The following TMPRSS13 variants were observed in gnomAD, a reference collection of about 807,000 sequenced individuals.
TMPRSS13 encodes transmembrane protease serine 13.
TMPRSS13 carries 50 observed loss-of-function variants against 68.4 expected under a neutral mutation model. The observed-to-expected ratio is 0.73, with a 90% CI of 0.58 to 0.93. The LOEUF (loss-of-function observed/expected upper bound fraction) is 0.93. Ranked by LOEUF, TMPRSS13 falls within the 40% of genes least tolerant of loss-of-function variation. The pLI, the probability that TMPRSS13 is intolerant of heterozygous loss-of-function variation, is 0.00. For synonymous variants in TMPRSS13, 267 were observed against 285.8 expected, an observed-to-expected ratio of 0.93 and a Z score of 0.66; for missense variants, 615 against 729.2, an observed-to-expected ratio of 0.84 and a Z score of 1.80.
intron 1 of TMPRSS13, among the ~76,000 whole-genome samples, chr11:117,928,628 G>T (rs1187484196): frequency 6.6e-6 from 1 of 152,186 alleles, no homozygotes; most frequent in East Asian, 1.9e-4. Flanking sequence ...ATGTGTGTAT[G>T]ACTGGCTTTC....
At chr11:117,908,138 C>T (rs1046208166) in intron 9 of TMPRSS13, 2 of 904,938 alleles carry the variant, frequency 2.2e-6, no homozygotes, top group Non-Finnish European at 2.8e-6. Context: ...GGTTCCAATC[C>T]CAGAGCTACC....
At position 117,914,369 on chromosome 11, in the gene TMPRSS13, T is replaced by TC; in HGVS notation, c.679+22dup. On this transcript the variant is annotated intron_variant, in intron 4 of 12. Coordinates refer to ENST00000524993, the MANE Select transcript of TMPRSS13 (RefSeq NM_001077263.3). This position sits in a 1 kb window ranked among gnomAD's most constrained non-coding sequence, Gnocchi z 4.2. ...CACATGCACATGCACACGCACGCGC[T>TC]CCCCCGCACCCAGCCTCCTTACCGC... 6.2e-7 allele frequency: 1 copy of TC among 1,611,348 alleles called. No individual in the cohort carries two copies. Among genetic ancestry groups the TC allele is most frequent in the Non-Finnish European group, 8.5e-7 (1 of 1,179,610 alleles).
At chr11:117,910,270 C>A (rs1591620529) in intron 7 of TMPRSS13, among the ~76,000 whole-genome samples, 1 of 152,126 alleles carries the variant, frequency 6.6e-6, no homozygotes, top group Non-Finnish European at 1.5e-5. Flanking sequence ...CTTGACAAAT[C>A]CTTTTGGAGT....
intron 1 of TMPRSS13, among the ~76,000 whole-genome samples, chr11:117,924,177 C>CAAAGAAAAGAAAAGAAAAGAAA (rs2057675993): frequency 1.9e-5 from 2 of 105,244 alleles, no homozygotes; most frequent in Non-Finnish European, 4.2e-5. Context: ...GACCCCATCT[C>CAAAGAAAAGAAAAGAAAAGAAA]AAAGAAAAGA....
rs752289870 is a variant in TMPRSS13, at chr11:117,918,478, C to T, written c.382G>A (p.Gly128Arg). The T allele has an allele frequency of 6.2e-7, 1 of 1,614,072 alleles. No homozygotes were observed. Among genetic ancestry groups the T allele is most frequent in the South Asian group, 1.1e-5 (1 of 91,076 alleles). ...RVYLVRATPV[G>R]AVPIRSSPAR... ...GGAGATGATCGGATGGGTACAGCCC[C>T]CACTGGTGTTGCTCTAACAAGGTAC... Residue 128 changes from glycine (G) to arginine (R), a missense_variant, in exon 2 of 13, where the codon GGG becomes AGG. Gly to Arg is a moderately radical substitution (Grantham distance 125). Coordinates refer to ENST00000524993, the MANE Select transcript of TMPRSS13 (RefSeq NM_001077263.3).
Position 117,914,165 on chromosome 11 carries a change from G to T in TMPRSS13, c.679+227C>A, listed in dbSNP as rs2057549672. Among the ~76,000 whole-genome samples, 2 of 152,220 alleles carry T rather than the reference G, an allele frequency of 1.3e-5. No homozygotes were observed. Among genetic ancestry groups the T allele is most frequent in the South Asian group, 4.1e-4 (2 of 4,824 alleles). On this transcript the variant is annotated intron_variant, in intron 4 of 12. Transcript: ENST00000524993. The surrounding 1 kb of genome is among the most constrained non-coding windows in gnomAD (Gnocchi z 4.2). ...ATGCAAACTGTGTATCAGCTCAAAT[G>T]GGAGGCAATGGACAGGGAATCATTG...
At position 117,901,916 on chromosome 11, in the gene TMPRSS13, G is replaced by A. The variant is rs2057412931; in HGVS notation, c.*323C>T. ...AATTCCCAGCTCTTCCTTGGGCTCT[G>A]GGCTCCACCTCCTCCATCCATCTAT... is the stretch of plus-strand genomic sequence containing the variant. On this transcript the variant is annotated 3_prime_UTR_variant, in exon 13 of 13. Coordinates refer to ENST00000524993, the MANE Select transcript of TMPRSS13 (RefSeq NM_001077263.3). The A allele has an allele frequency of 2.5e-6, 1 of 398,684 alleles. No homozygotes were observed. The highest frequency in any genetic ancestry group is 3.5e-5 in the Admixed American group (1 of 28,214). 24.7% of individuals were successfully genotyped at this position (398,684 alleles called of 1,614,324 possible). A position where few individuals can be genotyped will look rare whatever the true frequency, so the allele number is the denominator to read the frequency against.
At chr11:117,906,275 A>T (rs1362357786) in intron 9 of TMPRSS13, among the ~76,000 whole-genome samples, 2 of 152,226 alleles carry the variant, frequency 1.3e-5, no homozygotes, top group Non-Finnish European at 2.9e-5. Flanking sequence ...CAGGAAACAC[A>T]TTCCTAGAGA....
chr11:117,920,545 T>C (rs1450259214), intron 1 of TMPRSS13, among the ~76,000 whole-genome samples: 1 of 152,090 alleles, frequency 6.6e-6, no homozygotes, highest in Non-Finnish European at 1.5e-5. Context: ...CAGGCTGGAG[T>C]GCAGTGCCGC....
chr11:117,908,380 A>G, intron 9 of TMPRSS13: 1 of 613,904 alleles, frequency 1.6e-6, no homozygotes. Context: ...TCCGTCATCA[A>G]TTTGTAATGT....
At position 117,923,838 on chromosome 11, in the gene TMPRSS13, T is replaced by TTTAA. The variant is rs56359328; in HGVS notation, c.22-5001_22-5000insTTAA. 3.7e-4 allele frequency among the ~76,000 whole-genome samples: 48 copies of TTTAA among 128,144 alleles called. 1 individual carries two copies. Among genetic ancestry groups the TTTAA allele is most frequent in the Non-Finnish European group, 6.1e-4 (38 of 62,244 alleles). 84.1% of individuals were successfully genotyped at this position (128,144 alleles called of 152,430 possible). ...ACCCTAGAACTTAAAGTATAATAAT[T>TTTAA]AAAAAAAAAAAAAAAAAAGCTCTCC... On this transcript the variant is annotated intron_variant, in intron 1 of 12. Coordinates refer to ENST00000524993, the MANE Select transcript of TMPRSS13 (RefSeq NM_001077263.3).
intron 1 of TMPRSS13, among the ~76,000 whole-genome samples, chr11:117,923,908 T>C (rs953967756): frequency 2.0e-5 from 3 of 150,606 alleles, no homozygotes; most frequent in Non-Finnish European, 4.4e-5. Context: ...AGCTGCTTCA[T>C]GGCCTGAGGG....
In TMPRSS13 at chr11:117,914,877, C is replaced by T. The variant is rs2057560147; in HGVS notation, c.557-363G>A. On this transcript the variant is annotated intron_variant, in intron 3 of 12. Coordinates refer to ENST00000524993, the MANE Select transcript of TMPRSS13 (RefSeq NM_001077263.3). This position sits in a 1 kb window ranked among gnomAD's most constrained non-coding sequence, Gnocchi z 4.2. ...ACCTCCTCCAGTATCCCAGAGCTTC[C>T]CTCTCAGAACCCCTCTGCCATCCCA... Among the ~76,000 whole-genome samples, 1 of 152,126 alleles carries T rather than the reference C, an allele frequency of 6.6e-6. No individual in the cohort carries two copies. Among genetic ancestry groups the T allele is most frequent in the Non-Finnish European group, 1.5e-5 (1 of 68,028 alleles).
At chr11:117,904,244 A>T in intron 10 of TMPRSS13, 143 bp from the exon 11 acceptor site, 1 of 1,172,944 alleles carries the variant, frequency 8.5e-7, no homozygotes, top group Non-Finnish European at 1.2e-6. Flanking sequence ...CCTGGCTCCC[A>T]CCCAAGGGAG....
intron 3 of TMPRSS13, among the ~76,000 whole-genome samples, chr11:117,916,720 C>T (rs2057581330): frequency 6.6e-6 from 1 of 152,174 alleles, no homozygotes; most frequent in Non-Finnish European, 1.5e-5. Context: ...TCAGTGTTTT[C>T]ATGTGTGTTT....
intron 9 of TMPRSS13, among the ~76,000 whole-genome samples, chr11:117,906,478 T>C (rs1018700676): frequency 3.3e-5 from 5 of 152,240 alleles, no homozygotes; most frequent in African/African-American, 1.2e-4. Flanking sequence ...CAACCCTTTG[T>C]TATATTCACT....
At chr11:117,909,732 C>G in intron 8 of TMPRSS13, 74 bp downstream of exon 8, 1 of 1,519,502 alleles carries the variant, frequency 6.6e-7, no homozygotes, top group Non-Finnish European at 8.9e-7. Context: ...ACGAAGAAGT[C>G]AGTCTGCAGC....
At chr11:117,929,176 A>T in intron 1 of TMPRSS13, 111 bp downstream of exon 1, 2 of 840,486 alleles carry the variant, frequency 2.4e-6, no homozygotes, top group Non-Finnish European at 3.5e-6. Context: ...AGGCACAGCC[A>T]GTTTCCCCCA....
rs1441267434 is a variant in TMPRSS13, at chr11:117,915,197, T to A, written c.557-683A>T. ...CAGCTTTACAAGCCATATGTGCAAA[T>A]CTGCTTCACGACTTCCTCCCTCTCT... On this transcript the variant is annotated intron_variant, in intron 3 of 12. Transcript: ENST00000524993. The surrounding 1 kb of genome is among the most constrained non-coding windows in gnomAD (Gnocchi z 4.9). 6.6e-6 allele frequency among the ~76,000 whole-genome samples: 1 copy of A among 152,188 alleles called. No individual in the cohort carries two copies. The highest frequency in any genetic ancestry group is 1.5e-5 in the Non-Finnish European group (1 of 68,028).
Sources: gnomAD v4.1 joint callset for allele counts (sites outside exome capture counted in the v4.1 genomes callset) on GRCh38, gnomAD v4.1.1 for gene constraint, Gnocchi (gnomAD v3.1) non-coding constraint, MANE v1.5 for transcripts, NCBI Gene and HGNC (gene_info 2026-07-23, HGNC 2026-07-21) for gene names.